The following LRRC49 variants were observed in gnomAD, a reference collection of about 807,000 sequenced individuals.
The protein encoded by LRRC49 is leucine rich repeat containing 49, also known as leucine-rich repeat-containing protein 49.
LRRC49 carries 50 observed loss-of-function variants against 83.3 expected under a neutral mutation model. That is an observed-to-expected ratio of 0.60 (90% CI 0.48 to 0.76). LRRC49 has a LOEUF of 0.76. Among genes scored for constraint, LRRC49 ranks in the 30% least tolerant of loss-of-function variants. LRRC49 has a pLI of 0.00. For missense variants in LRRC49, 704 were observed against 809.1 expected (o/e 0.87, Z 1.58); for synonymous variants, 286 against 283.3 (o/e 1.01, Z -0.10).
At chr15:71,045,048 A>C (rs1044576875) in intron 15 of LRRC49, among the ~76,000 whole-genome samples, 2 of 150,960 alleles carry the variant, frequency 1.3e-5, no homozygotes, top group Non-Finnish European at 3.0e-5. Context: ...CCACCACCAC[A>C]CCTGGCTAAT....
intron 8 of LRRC49, among the ~76,000 whole-genome samples, chr15:70,956,868 G>A (rs574904930): frequency 6.6e-6 from 1 of 152,318 alleles, no homozygotes; most frequent in South Asian, 2.1e-4. Flanking sequence ...TTCAGTCTGA[G>A]TGTCAACAGT....
At chr15:71,011,060 A>G (rs2038635507) in intron 13 of LRRC49, among the ~76,000 whole-genome samples, 1 of 152,094 alleles carries the variant, frequency 6.6e-6, no homozygotes, top group South Asian at 2.1e-4. Flanking sequence ...CTGTAACCTC[A>G]GAATCAGCCA....
rs531609315 is a variant in LRRC49, at chr15:70,954,576, A to G, written c.774-9209A>G. Among the ~76,000 whole-genome samples the G allele has an allele frequency of 6.4e-4, 97 of 152,100 alleles. No individual in the cohort carries two copies. In the South Asian group the frequency reaches 8.5e-3, roughly 13 times the overall value. On this transcript the variant is annotated intron_variant, in intron 8 of 15. Coordinates refer to ENST00000260382, the MANE Select transcript of LRRC49 (RefSeq NM_017691.5). ...CAGCTGATGATTCTTTATTATTTGA[A>G]GTTATTGTCCTTTGGGTGAGGCTTT...
chr15:70,993,256 C>T (rs1405551911), intron 11 of LRRC49, among the ~76,000 whole-genome samples: 2 of 152,186 alleles, frequency 1.3e-5, no homozygotes, highest in African/African-American at 4.8e-5. Flanking sequence ...GTGGGAGTGA[C>T]CTGATTTTCC....
At chr15:71,048,817 T>C (rs2039934414) in intron 15 of LRRC49, 1 of 455,922 alleles carries the variant, frequency 2.2e-6, no homozygotes, top group African/African-American at 2.0e-5. Context: ...GGGAGACCTG[T>C]TTCTTTAGAA....
At chr15:70,868,948 A>G (rs2032968426) in intron 1 of LRRC49, among the ~76,000 whole-genome samples, 1 of 152,232 alleles carries the variant, frequency 6.6e-6, no homozygotes, top group Non-Finnish European at 1.5e-5. Flanking sequence ...CCTCTAAGAA[A>G]ATAATCAGAA....
chr15:70,956,670 A>G (rs1445683116), intron 8 of LRRC49, among the ~76,000 whole-genome samples: 3 of 152,102 alleles, frequency 2.0e-5, no homozygotes, highest in African/African-American at 7.2e-5. Context: ...TTTGTACTTA[A>G]GAGTATTGTT....
chr15:70,866,041 T>C (rs1450612180), intron 1 of LRRC49, among the ~76,000 whole-genome samples: 4 of 152,176 alleles, frequency 2.6e-5, no homozygotes, highest in Admixed American at 2.6e-4. Flanking sequence ...GTAAACTCCA[T>C]GAAGGCAGAG....
At chr15:70,968,504 G>A (rs1200327919) in intron 9 of LRRC49, among the ~76,000 whole-genome samples, 1 of 152,136 alleles carries the variant, frequency 6.6e-6, no homozygotes. Flanking sequence ...ACCCAGTAAT[G>A]GGATTGCTGG....
At chr15:70,989,532 G>T (rs1031500151) in intron 11 of LRRC49, among the ~76,000 whole-genome samples, 1 of 152,152 alleles carries the variant, frequency 6.6e-6, no homozygotes, top group African/African-American at 2.4e-5. Flanking sequence ...TTATACATTC[G>T]TCTAAATTTT....
chr15:70,978,504 G>A (rs781587413), intron 9 of LRRC49, among the ~76,000 whole-genome samples: 4 of 152,202 alleles, frequency 2.6e-5, no homozygotes, highest in Non-Finnish European at 5.9e-5. Flanking sequence ...ATCTCACAAT[G>A]TGTCTTGGAT....
At chr15:70,895,668 C>T in intron 2 of LRRC49, 181 bp from the exon 3 acceptor site, 1 of 502,704 alleles carries the variant, frequency 2.0e-6, no homozygotes, top group Non-Finnish European at 3.5e-6. Flanking sequence ...ATATGCTTTC[C>T]ATCTCTATGG....
At chr15:70,892,692 A>C, upstream of LRRC49, 11 of 1,457,818 alleles carry the variant, frequency 7.5e-6, no homozygotes, top group Admixed American at 2.6e-5. Flanking sequence ...GTGGTGACGC[A>C]CTGGGCTCTC....
At chr15:70,928,676 C>T (rs2035299921) in intron 7 of LRRC49, among the ~76,000 whole-genome samples, 1 of 152,110 alleles carries the variant, frequency 6.6e-6, no homozygotes, top group African/African-American at 2.4e-5. Context: ...AGTAATTCTC[C>T]TGCCTCAGCC....
intron 8 of LRRC49, among the ~76,000 whole-genome samples, chr15:70,954,647 G>A (rs1157848263): frequency 6.6e-6 from 1 of 152,126 alleles, no homozygotes; most frequent in Non-Finnish European, 1.5e-5. Context: ...TGACTGTGGT[G>A]TAAGCTGGAT....
chr15:70,964,147 A>G (rs1247941271), intron 9 of LRRC49, among the ~76,000 whole-genome samples: 1 of 152,150 alleles, frequency 6.6e-6, no homozygotes, highest in African/African-American at 2.4e-5. Context: ...CCTTCTGTTT[A>G]AATTAATCAT....
chr15:71,014,668 A>G (rs984096171), intron 14 of LRRC49, among the ~76,000 whole-genome samples: 4 of 152,174 alleles, frequency 2.6e-5, no homozygotes, highest in Non-Finnish European at 5.9e-5. Flanking sequence ...GATAGACTTG[A>G]TGACACTAAA....
At chr15:70,965,009 C>CCT (rs2036744696) in intron 9 of LRRC49, among the ~76,000 whole-genome samples, 1 of 152,056 alleles carries the variant, frequency 6.6e-6, no homozygotes, top group Non-Finnish European at 1.5e-5. Context: ...TAGGGTTCTG[C>CCT]CTCTCTCTCT....
chr15:71,004,967 C>A (rs369573492), intron 11 of LRRC49, among the ~76,000 whole-genome samples: 2 of 152,218 alleles, frequency 1.3e-5, no homozygotes, highest in East Asian at 1.9e-4. Context: ...ATGAAGTAAT[C>A]TGTAAAATAA....
Sources: gnomAD v4.1 joint callset for allele counts (sites outside exome capture counted in the v4.1 genomes callset) on GRCh38, gnomAD v4.1.1 for gene constraint, MANE v1.5 for transcripts, NCBI Gene and HGNC (gene_info 2026-07-23, HGNC 2026-07-21) for gene names.